RHOBTB1: variants seen among roughly 807,000 people sequenced by gnomAD.
The protein encoded by RHOBTB1 is Rho related BTB domain containing 1.
In RHOBTB1, 40 loss-of-function variants were observed where a neutral mutation model predicts 71.6. That is an observed-to-expected ratio of 0.56 (90% CI 0.43 to 0.73). The LOEUF (loss-of-function observed/expected upper bound fraction) is 0.73, where lower values mean the gene tolerates loss of function less well. RHOBTB1 is among the 30% of genes least tolerant of loss of function. RHOBTB1 has a pLI of 0.00. For synonymous variants in RHOBTB1, 319 were observed against 334.9 expected, an observed-to-expected ratio of 0.95 and a Z score of 0.52; for missense variants, 797 against 894.0, an observed-to-expected ratio of 0.89 and a Z score of 1.38.
At chr10:60,934,113 G>A (rs1303182238) in intron 2 of RHOBTB1, among the ~76,000 whole-genome samples, 1 of 152,166 alleles carries the variant, frequency 6.6e-6, no homozygotes, top group Non-Finnish European at 1.5e-5. Context: ...GGGCAAGGAG[G>A]TAGGAAAACA....
chr10:60,907,122 T>G (rs919321607), intron 4 of RHOBTB1, among the ~76,000 whole-genome samples: 2 of 152,224 alleles, frequency 1.3e-5, no homozygotes, highest in Non-Finnish European at 2.9e-5. Flanking sequence ...CTGCCATGAT[T>G]GTCAGGCCTC....
intron 2 of RHOBTB1, among the ~76,000 whole-genome samples, chr10:60,930,170 C>A (rs903671363): frequency 5.3e-5 from 8 of 152,104 alleles, no homozygotes; most frequent in Non-Finnish European, 1.2e-4. Flanking sequence ...TTTACCACAT[C>A]TTTAAGAAAA....
At chr10:60,867,092 C>T (rs998541411), downstream of RHOBTB1, among the ~76,000 whole-genome samples, 2 of 152,140 alleles carry the variant, frequency 1.3e-5, no homozygotes, top group African/African-American at 4.8e-5. Flanking sequence ...CCTAAGTCAT[C>T]TCATTTAACT....
At chr10:60,977,249 C>T (rs1436924786) in intron 2 of RHOBTB1, among the ~76,000 whole-genome samples, 3 of 151,996 alleles carry the variant, frequency 2.0e-5, no homozygotes, top group African/African-American at 4.8e-5. Context: ...AAGTACCATA[C>T]ACTTTCAAAG....
chr10:60,871,683 T>C, intron 10 of RHOBTB1, 32 bp from the exon 11 acceptor site: 1 of 1,600,250 alleles, frequency 6.2e-7, no homozygotes, highest in Non-Finnish European at 8.5e-7. Flanking sequence ...CCATAAGACC[T>C]GCGGTTCATT....
intron 2 of RHOBTB1, among the ~76,000 whole-genome samples, chr10:60,940,295 T>G (rs2084833339): frequency 6.6e-6 from 1 of 152,162 alleles, no homozygotes; most frequent in Non-Finnish European, 1.5e-5. Context: ...TAGTACCCCT[T>G]TATATAAAAT....
rs532524331 is a variant in RHOBTB1, at chr10:60,880,387, A to G, written c.1576-2329T>C. Among the ~76,000 whole-genome samples, 45 of 152,126 alleles carry G rather than the reference A, an allele frequency of 3.0e-4. No individual in the cohort carries two copies. The South Asian group carries it at 9.4e-3, about 32-fold the overall frequency. ...TTAAGCTATAGAAACTTTCTTTGTT[A>G]TTCTCCTATGCAGCCACCAGACACC... On this transcript the variant is annotated intron_variant, in intron 7 of 10. Transcript: ENST00000337910.
At chr10:60,958,476 G>A (rs2085669380) in intron 2 of RHOBTB1, among the ~76,000 whole-genome samples, 1 of 151,998 alleles carries the variant, frequency 6.6e-6, no homozygotes, top group African/African-American at 2.4e-5. Flanking sequence ...GGCAAAACTT[G>A]GAATTGAAAC....
chr10:60,879,747 A>C (rs1247676221), intron 7 of RHOBTB1, among the ~76,000 whole-genome samples: 2 of 152,078 alleles, frequency 1.3e-5, no homozygotes, highest in Non-Finnish European at 2.9e-5. Context: ...ACATGGTTAC[A>C]TCTATATATT....
intron 2 of RHOBTB1, among the ~76,000 whole-genome samples, chr10:60,971,072 CATT>C: frequency 6.6e-6 from 1 of 152,026 alleles, no homozygotes; most frequent in Non-Finnish European, 1.5e-5. Context: ...TTACCATCAT[CATT>C]ATCATTATTG....
intron 1 of RHOBTB1, among the ~76,000 whole-genome samples, chr10:60,999,216 A>G (rs2087168182): frequency 6.6e-6 from 1 of 152,218 alleles, no homozygotes. Flanking sequence ...AATGGAGCCT[A>G]TTTAGCAACT....
At chr10:60,961,861 T>G (rs112411239) in intron 2 of RHOBTB1, among the ~76,000 whole-genome samples, 1,760 of 146,258 alleles carry the variant, frequency 0.012, 40 homozygotes, top group African/African-American at 0.042. Context: ...CAGGCTGGAG[T>G]GTAATGGGAT....
the RHOBTB1 span, among the ~76,000 whole-genome samples, chr10:60,862,803 T>G: frequency 6.6e-6 from 1 of 150,648 alleles, no homozygotes; most frequent in East Asian, 1.9e-4. Flanking sequence ...TTTCTTTCTT[T>G]TCCTTTCTTT....
At chr10:60,972,238 G>A (rs1316155643) in intron 2 of RHOBTB1, among the ~76,000 whole-genome samples, 6 of 152,086 alleles carry the variant, frequency 3.9e-5, no homozygotes, top group African/African-American at 1.4e-4. Context: ...ACAAGCACAT[G>A]TATGTTTATT....
the RHOBTB1 span, among the ~76,000 whole-genome samples, chr10:60,864,013 G>A: frequency 6.6e-6 from 1 of 152,122 alleles, no homozygotes; most frequent in East Asian, 1.9e-4. Flanking sequence ...TCCACTGCCT[G>A]AGCACTTAGC....
chr10:60,945,687 G>A (rs998000406), upstream of RHOBTB1, among the ~76,000 whole-genome samples: 1 of 152,142 alleles, frequency 6.6e-6, no homozygotes, highest in African/African-American at 2.4e-5. Flanking sequence ...CCAGAAAATA[G>A]TGGAATCCAA....
chr10:60,973,059 G>T (rs1299066044), intron 2 of RHOBTB1, among the ~76,000 whole-genome samples: 1 of 152,012 alleles, frequency 6.6e-6, no homozygotes, highest in Non-Finnish European at 1.5e-5. Flanking sequence ...GCCAAGGATT[G>T]ATTGCATATC....
chr10:60,889,023 T>G lies in RHOBTB1; in HGVS notation c.645A>C (p.Gln215His), dbSNP rs780959681. The change falls in exon 6 of 11, where the codon CAA becomes CAC. Residue 215 changes from glutamine (Q) to histidine (H), a missense_variant. Around this residue, in one of 2 missense-constraint regions of RHOBTB1, gnomAD observed 658 missense variants for 681.5 expected, o/e 0.97. Coordinates refer to ENST00000337910, the MANE Select transcript of RHOBTB1 (RefSeq NM_014836.5). ...RAALISRRHL[Q>H]FWKSHLKKVQ... The stretch of plus-strand genomic sequence containing the variant: ...CTTTCTTTAGGTGGGATTTCCAGAA[T>G]TGCAGGTGCCTGCGGGAAATCAGCG... 6.2e-7 allele frequency: 1 copy of G among 1,614,174 alleles called. No individual in the cohort carries two copies. Among genetic ancestry groups the G allele is most frequent in the Non-Finnish European group, 8.5e-7 (1 of 1,180,020 alleles).
chr10:60,974,576 T>C (rs1430679850), intron 2 of RHOBTB1, among the ~76,000 whole-genome samples: 1 of 152,008 alleles, frequency 6.6e-6, no homozygotes, highest in Non-Finnish European at 1.5e-5. Flanking sequence ...ACCCATTTCT[T>C]GGGCATGGGA....
Sources: gnomAD v4.1 joint callset for allele counts (sites outside exome capture counted in the v4.1 genomes callset) on GRCh38, gnomAD v4.1.1 for gene constraint, gnomAD v4.1.1 regional missense constraint, MANE v1.5 for transcripts, NCBI Gene and HGNC (gene_info 2026-07-23, HGNC 2026-07-21) for gene names.